RDH13: variants seen among roughly 807,000 people sequenced by gnomAD.
RDH13 encodes retinol dehydrogenase 13, also known as retinol dehydrogenase 13 (all-trans and 9-cis).
In RDH13, 35 loss-of-function variants were observed where a neutral mutation model predicts 28.3. The observed-to-expected ratio is 1.24, with a 90% CI of 0.95 to 1.64. The LOEUF is 1.64. RDH13 is among the 40% of genes most tolerant of loss of function. The pLI is 0.00. For synonymous variants in RDH13, 229 were observed against 198.5 expected (o/e 1.15, Z -1.29); for missense variants, 514 against 446.3 (o/e 1.15, Z -1.37).
chr19:55,050,277 G>C (rs1276325751), intron 3 of RDH13, among the ~76,000 whole-genome samples: 1 of 151,630 alleles, frequency 6.6e-6, no homozygotes, highest in African/African-American at 2.4e-5. Context: ...CACCACACCG[G>C]GTTAATTTTT....
rs2075864701 is a variant in RDH13 at position 55,063,131 on chromosome 19, A to ACAGGCGAGCGGAGGCG, written c.-115_-100dup. On this transcript the variant is annotated 5_prime_UTR_variant, in exon 1 of 7. Transcript: ENST00000415061. ...CCGAGGAAGAGCGCGCGACGCAGCC[A>ACAGGCGAGCGGAGGCG]CAGGCGAGCGGAGGCGCAGGCGCGG... 5.2e-6 allele frequency: 6 copies of ACAGGCGAGCGGAGGCG among 1,146,632 alleles called. No homozygotes were observed. The highest frequency in any genetic ancestry group is 6.7e-6 in the Non-Finnish European group (6 of 892,080). The allele number at this position is 1,146,632 out of a possible 1,614,324, so 71.0% of individuals were successfully genotyped here.
intron 5 of RDH13, chr19:55,047,980 G>C: frequency 8.3e-7 from 1 of 1,198,924 alleles, no homozygotes; most frequent in Non-Finnish European, 1.1e-6. Context: ...CCCCAAGCCA[G>C]CTGTGATCAC....
At chr19:55,048,857 G>T in intron 3 of RDH13, 94 bp from the exon 4 acceptor site, 1 of 1,115,546 alleles carries the variant, frequency 9.0e-7, no homozygotes, top group Non-Finnish European at 1.3e-6. Context: ...CACAACCTGT[G>T]AATGTGGCCT....
rs1344834005 is a variant in RDH13, at chr19:55,044,875, G to A, written c.*199C>T. ...TCCCCTGCTGGCAGCAGAGCAGACG[G>A]AACCAGCCAGAGCCCAGGGCAGTGC... On this transcript the variant is annotated 3_prime_UTR_variant, in exon 7 of 7. Transcript: ENST00000415061. 3.8e-6 allele frequency: 2 copies of A among 530,304 alleles called. No homozygotes were observed. The highest frequency in any genetic ancestry group is 6.6e-6 in the Non-Finnish European group (2 of 301,780). 32.8% of individuals were successfully genotyped at this position (530,304 alleles called of 1,614,324 possible).
Position 55,047,371 on chromosome 19 carries a change from C to T in RDH13, c.760+16G>A. 1.9e-6 allele frequency: 3 copies of T among 1,609,172 alleles called. No homozygotes were observed. Among genetic ancestry groups the T allele is most frequent in the Non-Finnish European group, 2.5e-6 (3 of 1,179,192 alleles). On this transcript the variant is annotated intron_variant, in intron 6 of 6. Coordinates refer to ENST00000415061, the MANE Select transcript of RDH13 (RefSeq NM_001145971.2). ...GAGGGCTCCACGTGGAGACCCCAGG[C>T]TGGGAGGGGACTCACCGAGTGTGGT...
At chr19:55,052,063 CTTTTTT>C (rs111427426) in intron 3 of RDH13, among the ~76,000 whole-genome samples, 6 of 120,734 alleles carry the variant, frequency 5.0e-5, no homozygotes, top group African/African-American at 6.8e-5. Context: ...ACTGCCTCAA[CTTTTTT>C]TTTTTTTTTT....
chr19:55,048,530 A>G lies in RDH13; in HGVS notation c.457T>C (p.Leu153=), dbSNP rs2075318003. The change falls in exon 5 of 7, where the codon TTG becomes CTG. Residue 153 remains leucine, a synonymous_variant. Transcript: ENST00000415061. ...FGVNHLGHFL[L]TNLLLDKLKA... is the part of the protein sequence containing the mutation. ...AGCTTGTCCAGCAGCAAGTTTGTCA[A>G]GAGAAAGTGACCTGGATTAAGGATG... 5 of 1,614,194 alleles carry G rather than the reference A, an allele frequency of 3.1e-6. No individual in the cohort carries two copies. In the East Asian group the frequency reaches 6.7e-5, roughly 22 times the overall value.
chr19:55,059,357 T>C lies in RDH13; in HGVS notation c.66-82A>G, dbSNP rs114180071. The stretch of plus-strand genomic sequence containing the variant: ...CCTGACTGAATGATCTCAGGCAACC[T>C]TGTCTGAGCTCACTCACATACCCCA... On this transcript the variant is annotated intron_variant, in intron 1 of 6. Coordinates refer to ENST00000415061, the MANE Select transcript of RDH13 (RefSeq NM_001145971.2). 2,290 of 853,226 alleles carry C rather than the reference T, an allele frequency of 2.7e-3. 52 individuals are homozygous for C. The African/African-American group carries it at 0.033, about 12-fold the overall frequency. The allele number at this position is 853,226 out of a possible 1,614,324, so 52.9% of individuals were successfully genotyped here. A position where few individuals can be genotyped will look rare whatever the true frequency, so the allele number is the denominator to read the frequency against.
At chr19:55,056,027 G>A (rs1448485448) in intron 3 of RDH13, among the ~76,000 whole-genome samples, 2 of 151,970 alleles carry the variant, frequency 1.3e-5, no homozygotes, top group Non-Finnish European at 2.9e-5. Context: ...GGTGGCGGGT[G>A]CCTGTAATCC....
intron 4 of RDH13, 52 bp downstream of exon 4, chr19:55,048,607 C>T (rs755449350): frequency 1.2e-5 from 19 of 1,609,730 alleles, no homozygotes; most frequent in Middle Eastern, 3.3e-4. Context: ...TTTGGGAGGA[C>T]GACGGGGGAG....
upstream of RDH13, chr19:55,063,314 C>T (rs2075872448): frequency 2.1e-5 from 8 of 377,634 alleles, no homozygotes; most frequent in Non-Finnish European, 1.9e-5. Context: ...GGGGGCGGGG[C>T]CTATGGTTTG....
chr19:55,059,054 G>T, intron 2 of RDH13, 103 bp downstream of exon 2: 1 of 723,582 alleles, frequency 1.4e-6, no homozygotes, highest in Non-Finnish European at 2.4e-6. Flanking sequence ...GTTCATCTGT[G>T]GATGGGTGCC....
downstream of RDH13, chr19:55,042,002 T>G (rs910654775): frequency 6.6e-6 from 1 of 152,052 alleles, no homozygotes; most frequent in Non-Finnish European, 1.5e-5. Context: ...CCCAGAACGC[T>G]TCCTGGAGAT....
rs192870854 is a variant in RDH13 at position 55,049,512 on chromosome 19, G to A, written c.341-749C>T. Among the ~76,000 whole-genome samples, 433 of 152,248 alleles carry A rather than the reference G, an allele frequency of 2.8e-3. 1 individual carries two copies. The highest frequency in any genetic ancestry group is 4.3e-3 in the Non-Finnish European group (294 of 68,020). On this transcript the variant is annotated intron_variant, in intron 3 of 6. Transcript: ENST00000415061. ...GGTTTAAAACCTCACAGACCTGGCC[G>A]GGCACAGTGGCTCACGCCTGTAATC... is the stretch of plus-strand genomic sequence containing the variant.
At chr19:55,052,807 C>T (rs1248481189) in intron 3 of RDH13, among the ~76,000 whole-genome samples, 2 of 151,854 alleles carry the variant, frequency 1.3e-5, no homozygotes, top group Non-Finnish European at 2.9e-5. Context: ...GTTACAGGTG[C>T]CCGCCACCAC....
chr19:55,045,179 G>T lies in RDH13; in HGVS notation c.891C>A (p.Ala297=), dbSNP rs768154260. 1 of 1,613,528 alleles carries T rather than the reference G, an allele frequency of 6.2e-7. No homozygotes were observed. ...YFDGLKQKAP[A]PEAEDEEVAR... ...CCACCTCCTCATCCTCAGCCTCGGG[G>T]GCCGGGGCCTTCTGTTTGAGTCCAT... Residue 297 remains alanine (A), a synonymous_variant, in exon 7 of 7, where the codon GCC becomes GCA. Transcript: ENST00000415061.
At chr19:55,063,868 C>G (rs1238841647), upstream of RDH13, 3 of 153,002 alleles carry the variant, frequency 2.0e-5, no homozygotes, top group Non-Finnish European at 4.4e-5. Flanking sequence ...ACTTACCTGT[C>G]CATGTTTGTC....
Position 55,048,442 on chromosome 19 carries a change from A to G in RDH13, c.545T>C (p.Ile182Thr), listed in dbSNP as rs547790882. 2.5e-6 allele frequency: 4 copies of G among 1,614,204 alleles called. No homozygotes were observed. Among genetic ancestry groups the G allele is most frequent in the African/African-American group, 2.7e-5 (2 of 75,058 alleles). Reference sequence around the variant, plus strand: ...CTGCCAGTTCAAGTCGTCAAAGTCTATGTGCCCAGCAACATGGGCCAGGGA... The same window carrying G: ...CTGCCAGTTCAAGTCGTCAAAGTCTGTGTGCCCAGCAACATGGGCCAGGGA... ...LSSLAHVAGH[I>T]DFDDLNWQTR... Residue 182 changes from isoleucine (I) to threonine (T), a missense_variant, in exon 5 of 7, where the codon ATA (isoleucine) becomes ACA (threonine). Coordinates refer to ENST00000415061, the MANE Select transcript of RDH13 (RefSeq NM_001145971.2).
At chr19:55,058,325 T>C (rs2075701994) in intron 2 of RDH13, among the ~76,000 whole-genome samples, 1 of 151,486 alleles carries the variant, frequency 6.6e-6, no homozygotes, top group Non-Finnish European at 1.5e-5. Flanking sequence ...GAGGCGAAGG[T>C]TGCAGTGAGC....
Sources: allele counts gnomAD v4.1 joint callset (sites outside exome capture counted in the v4.1 genomes callset), GRCh38; gene constraint gnomAD v4.1.1; transcripts MANE v1.5; gene names NCBI Gene and HGNC (gene_info 2026-07-23, HGNC 2026-07-21).